The following NBEA variants were observed in gnomAD, a reference collection of about 807,000 sequenced individuals.
The protein encoded by NBEA is neurobeachin, also known as lysosomal-trafficking regulator 2.
Under a neutral mutation model 343.4 loss-of-function variants are expected in NBEA, and 44 were observed. The observed-to-expected ratio is 0.13, with a 90% CI of 0.10 to 0.16. NBEA has a LOEUF of 0.16. Among genes scored for constraint, NBEA ranks in the 10% least tolerant of loss-of-function variants. NBEA has a pLI of 1.00. For synonymous variants in NBEA, 1,175 were observed against 1,238.7 expected (o/e 0.95, Z 1.08); for missense variants, 2,555 against 3,631.3 (o/e 0.70, Z 7.62).
At chr13:35,162,981 A>G (rs1029095329) in intron 23 of NBEA, among the ~76,000 whole-genome samples, 9 of 152,154 alleles carry the variant, frequency 5.9e-5, no homozygotes, top group Non-Finnish European at 1.2e-4. Context: ...TAAATTACCT[A>G]GAGATGGTAA....
intron 1 of NBEA, among the ~76,000 whole-genome samples, chr13:35,008,459 G>A (rs1341823981): frequency 6.6e-6 from 1 of 152,122 alleles, no homozygotes; most frequent in Non-Finnish European, 1.5e-5. Context: ...GTTATACTGT[G>A]TTGTTTACGA....
intron 11 of NBEA, among the ~76,000 whole-genome samples, chr13:35,105,769 G>T (rs1362993616): frequency 1.3e-5 from 2 of 151,990 alleles, no homozygotes; most frequent in Non-Finnish European, 2.9e-5. Context: ...CAACCTTGGA[G>T]TCCTGGGAGG....
At chr13:35,289,102 C>T (rs1240371928) in intron 34 of NBEA, among the ~76,000 whole-genome samples, 3 of 151,860 alleles carry the variant, frequency 2.0e-5, no homozygotes, top group Non-Finnish European at 2.9e-5. Flanking sequence ...TTATCCACTA[C>T]CTACAATAAA....
intron 40 of NBEA, among the ~76,000 whole-genome samples, chr13:35,464,423 C>G (rs1195375051): frequency 6.6e-6 from 1 of 152,178 alleles, no homozygotes; most frequent in Non-Finnish European, 1.5e-5. Context: ...AAATTTCTAC[C>G]CATCCATCAC....
At chr13:35,172,568 A>G (rs2070552331) in intron 26 of NBEA, among the ~76,000 whole-genome samples, 3 of 152,020 alleles carry the variant, frequency 2.0e-5, no homozygotes, top group Admixed American at 2.0e-4. Context: ...TTTCATTTTT[A>G]TCCTAATACT....
chr13:35,116,799 T>C (rs1242983379), intron 13 of NBEA, among the ~76,000 whole-genome samples: 1 of 152,008 alleles, frequency 6.6e-6, no homozygotes. Context: ...TTATTAGTAA[T>C]TAAATATTTT....
chr13:35,460,834 C>T (rs2046861734), intron 40 of NBEA, among the ~76,000 whole-genome samples: 1 of 152,130 alleles, frequency 6.6e-6, no homozygotes, highest in South Asian at 2.1e-4. Flanking sequence ...AGAAAAGAAA[C>T]TTATTTTATA....
Position 35,474,969 on chromosome 13 carries a change from C to A in NBEA, c.6585+2433C>A, listed in dbSNP as rs545198662. On this transcript the variant is annotated intron_variant, in intron 41 of 58. Coordinates refer to ENST00000379939, the MANE Select transcript of NBEA (RefSeq NM_001385012.1). ...TTAAAGGAAGAGATTGTTTGCACTGCGGAGTGGAATATTAGGAATTGAACA... is the reference window on the plus strand; with the variant it reads ...TTAAAGGAAGAGATTGTTTGCACTGAGGAGTGGAATATTAGGAATTGAACA... 8.9e-6 allele frequency: 12 copies of A among 1,345,856 alleles called. No individual in the cohort carries two copies. In the South Asian group the frequency reaches 1.4e-4, roughly 16 times the overall value. The allele number at this position is 1,345,856 out of a possible 1,614,324, so 83.4% of individuals were successfully genotyped here. A position where few individuals can be genotyped will look rare whatever the true frequency, so the allele number is the denominator to read the frequency against.
At chr13:35,609,555 C>A (rs933125591) in intron 48 of NBEA, among the ~76,000 whole-genome samples, 3 of 152,114 alleles carry the variant, frequency 2.0e-5, no homozygotes, top group Non-Finnish European at 4.4e-5. Flanking sequence ...CCTAAATTAA[C>A]AAAATTGTGT....
At chr13:35,233,162 T>A (rs1438553578) in intron 34 of NBEA, among the ~76,000 whole-genome samples, 1 of 152,108 alleles carries the variant, frequency 6.6e-6, no homozygotes, top group Admixed American at 6.6e-5. Flanking sequence ...AAAAATATGG[T>A]TAATCAAAAT....
At chr13:35,344,771 T>C (rs2152859526) in intron 36 of NBEA, among the ~76,000 whole-genome samples, 1 of 152,232 alleles carries the variant, frequency 6.6e-6, no homozygotes, top group Admixed American at 6.5e-5. Context: ...AATTTCTTCC[T>C]GTAGAGAAAA....
Position 35,672,721 on chromosome 13 carries a change from A to G in NBEA, c.*1730A>G, listed in dbSNP as rs2085657050. On this transcript the variant is annotated 3_prime_UTR_variant, in exon 59 of 59. Coordinates refer to ENST00000379939, the MANE Select transcript of NBEA (RefSeq NM_001385012.1). ...TGGAAATCAAAAAAAGAAAAATAAA[A>G]TATGCAAAGAATTCACCGACTGTTT... The G allele has an allele frequency of 6.6e-6, 1 of 152,660 alleles. No homozygotes were observed. The highest frequency in any genetic ancestry group is 2.4e-5 in the African/African-American group (1 of 41,468). The allele number at this position is 152,660 out of a possible 1,614,324, so 9.5% of individuals were successfully genotyped here.
chr13:35,062,677 G>T (rs2063508226), intron 8 of NBEA, among the ~76,000 whole-genome samples: 1 of 151,640 alleles, frequency 6.6e-6, no homozygotes, highest in Non-Finnish European at 1.5e-5. Flanking sequence ...CCATAGAGGT[G>T]GAACAAAATC....
At chr13:35,660,157 A>G (rs965651009) in intron 55 of NBEA, among the ~76,000 whole-genome samples, 1 of 152,216 alleles carries the variant, frequency 6.6e-6, no homozygotes, top group African/African-American at 2.4e-5. Flanking sequence ...GACATTTCTC[A>G]TTACGTGCTG....
intron 13 of NBEA, among the ~76,000 whole-genome samples, chr13:35,116,729 T>C (rs1426278566): frequency 6.6e-6 from 1 of 151,848 alleles, no homozygotes; most frequent in African/African-American, 2.4e-5. Flanking sequence ...TCTAGCTTCA[T>C]TTTTTAAAAG....
intron 36 of NBEA, among the ~76,000 whole-genome samples, chr13:35,322,976 A>G (rs1253613550): frequency 6.6e-6 from 1 of 152,028 alleles, no homozygotes; most frequent in Admixed American, 6.6e-5. Context: ...CAGCCTCCCA[A>G]GTAGCTGGGA....
At chr13:35,441,926 ATCT>A (rs1201791980) in intron 39 of NBEA, among the ~76,000 whole-genome samples, 1 of 151,834 alleles carries the variant, frequency 6.6e-6, no homozygotes, top group African/African-American at 2.4e-5. Flanking sequence ...TGTCCAGTTA[ATCT>A]TTTTTTTCAT....
chr13:35,622,700 C>G (rs2083047242), intron 48 of NBEA, among the ~76,000 whole-genome samples: 1 of 152,126 alleles, frequency 6.6e-6, no homozygotes, highest in African/African-American at 2.4e-5. Flanking sequence ...ATATATGCAA[C>G]TCTATTTAGA....
At chr13:35,485,629 A>T (rs2076278520) in intron 41 of NBEA, among the ~76,000 whole-genome samples, 1 of 152,074 alleles carries the variant, frequency 6.6e-6, no homozygotes, top group African/African-American at 2.4e-5. Flanking sequence ...ATTCTGGGAC[A>T]CCCTGGGTGC....
Sources: allele counts gnomAD v4.1 joint callset (sites outside exome capture counted in the v4.1 genomes callset), GRCh38; gene constraint gnomAD v4.1.1; transcripts MANE v1.5; gene names NCBI Gene and HGNC (gene_info 2026-07-23, HGNC 2026-07-21).